Variants in PDCD10 observed in about 807,000 individuals in gnomAD.
PDCD10 encodes the protein programmed cell death protein 10.
In PDCD10, 4 loss-of-function variants were observed where a neutral mutation model predicts 29.2. The ratio of observed to expected loss-of-function variants is 0.14; its 90% CI spans 0.07 to 0.31. The LOEUF (loss-of-function observed/expected upper bound fraction) is 0.31, where lower values mean the gene tolerates loss of function less well. Ranked by LOEUF, PDCD10 falls within the 10% of genes least tolerant of loss-of-function variation. The pLI is 1.00. For synonymous variants in PDCD10, 70 were observed against 82.2 expected, an observed-to-expected ratio of 0.85 and a Z score of 0.80; for missense variants, 183 against 257.9, an observed-to-expected ratio of 0.71 and a Z score of 1.99.
intron 3 of PDCD10, among the ~76,000 whole-genome samples, chr3:167,708,969 T>C (rs1246634976): frequency 3.9e-5 from 6 of 152,264 alleles, no homozygotes; most frequent in East Asian, 3.9e-4. Flanking sequence ...CCCCATTTTA[T>C]AAATAAGGAA....
intron 6 of PDCD10, among the ~76,000 whole-genome samples, chr3:167,694,816 TCA>T (rs1041829401): frequency 6.6e-6 from 1 of 152,226 alleles, no homozygotes; most frequent in African/African-American, 2.4e-5. Flanking sequence ...ACCACATATG[TCA>T]CAGCCTCTTC....
intron 3 of PDCD10, among the ~76,000 whole-genome samples, chr3:167,711,592 G>C (rs551697996): frequency 6.6e-6 from 1 of 152,292 alleles, no homozygotes; most frequent in Non-Finnish European, 1.5e-5. Flanking sequence ...GATAAGGGTA[G>C]AAAGTGTATT....
chr3:167,687,500 A>G, intron 7 of PDCD10, 115 bp downstream of exon 7: 1 of 770,770 alleles, frequency 1.3e-6, no homozygotes, highest in Non-Finnish European at 2.3e-6. Context: ...AATAAACTCA[A>G]TGGTTAATGA....
intron 4 of PDCD10, among the ~76,000 whole-genome samples, chr3:167,702,881 T>C (rs1721587817): frequency 6.6e-6 from 1 of 151,040 alleles, no homozygotes; most frequent in African/African-American, 2.4e-5. Context: ...GTAAAATTAG[T>C]TACTTTGTTT....
At chr3:167,719,118 T>G (rs1020686858) in intron 3 of PDCD10, among the ~76,000 whole-genome samples, 2 of 152,046 alleles carry the variant, frequency 1.3e-5, no homozygotes, top group Non-Finnish European at 2.9e-5. Context: ...AAAAAAATGG[T>G]TTTGAAATGC....
chr3:167,707,198 C>A (rs918785882), intron 3 of PDCD10, among the ~76,000 whole-genome samples: 3 of 152,162 alleles, frequency 2.0e-5, no homozygotes, highest in African/African-American at 7.2e-5. Flanking sequence ...TGTGTTCCGG[C>A]CTCTTAAAAT....
intron 3 of PDCD10, among the ~76,000 whole-genome samples, chr3:167,714,209 C>G (rs1722788472): frequency 6.6e-6 from 1 of 151,970 alleles, no homozygotes; most frequent in Non-Finnish European, 1.5e-5. Flanking sequence ...GAGATTTATC[C>G]CAGGACGCAA....
chr3:167,688,538 T>C (rs759276262), intron 6 of PDCD10, among the ~76,000 whole-genome samples: 1 of 152,206 alleles, frequency 6.6e-6, no homozygotes, highest in Non-Finnish European at 1.5e-5. Flanking sequence ...CTGAACTTTT[T>C]TTTGCCTTTC....
intron 4 of PDCD10, among the ~76,000 whole-genome samples, chr3:167,699,728 G>A (rs760189214): frequency 2.0e-5 from 3 of 152,208 alleles, no homozygotes; most frequent in East Asian, 1.9e-4. Context: ...ACAACCTATC[G>A]GAACCTCTCA....
chr3:167,698,558 A>G (rs1213384670), intron 4 of PDCD10, among the ~76,000 whole-genome samples: 2 of 151,832 alleles, frequency 1.3e-5, no homozygotes, highest in Non-Finnish European at 2.9e-5. Flanking sequence ...AAACAAAAAA[A>G]ACTGTGTTTT....
chr3:167,686,197 C>G (rs934699172), intron 8 of PDCD10, among the ~76,000 whole-genome samples: 1 of 152,116 alleles, frequency 6.6e-6, no homozygotes, highest in Admixed American at 6.5e-5. Context: ...ACCTATACGG[C>G]CAGACTTTCC....
chr3:167,684,495 A>C, intron 8 of PDCD10, 106 bp from the exon 9 acceptor site: 1 of 684,024 alleles, frequency 1.5e-6, no homozygotes, highest in Non-Finnish European at 2.6e-6. Flanking sequence ...AAAAAAAAAA[A>C]AGACAAGTTA....
At position 167,701,056 on chromosome 3, in the gene PDCD10, G is replaced by A. The variant is rs1009832376; in HGVS notation, c.150+3786C>T. Among the ~76,000 whole-genome samples, 129 of 152,114 alleles carry A rather than the reference G, an allele frequency of 8.5e-4. 1 individual carries two copies. Among genetic ancestry groups the A allele is most frequent in the African/African-American group, 3.0e-3 (126 of 41,402 alleles). ...CAGGACTGTCCTTATTTATAATGCT[G>A]CTAAACCCTCAAGCCTTGAAGGGAG... On this transcript the variant is annotated intron_variant, in intron 4 of 8. Coordinates refer to ENST00000392750, the MANE Select transcript of PDCD10 (RefSeq NM_007217.4).
chr3:167,726,652 A>T (rs1289640803), intron 2 of PDCD10, among the ~76,000 whole-genome samples: 2 of 152,226 alleles, frequency 1.3e-5, no homozygotes, highest in African/African-American at 2.4e-5. Flanking sequence ...TAGTTACTAC[A>T]GTGGCTAACA....
intron 6 of PDCD10, 125 bp downstream of exon 6, chr3:167,695,470 TA>T: frequency 2.3e-6 from 2 of 857,806 alleles, no homozygotes; most frequent in East Asian, 5.0e-5. Flanking sequence ...ATGTGGTATT[TA>T]AAAATTTGAG....
intron 3 of PDCD10, among the ~76,000 whole-genome samples, chr3:167,714,906 T>A (rs1326605243): frequency 1.3e-5 from 2 of 151,798 alleles, no homozygotes; most frequent in African/African-American, 2.4e-5. Context: ...AAAACACCAA[T>A]GACATTCTTC....
intron 8 of PDCD10, 118 bp from the exon 9 acceptor site, chr3:167,684,507 T>C: frequency 1.5e-6 from 1 of 658,072 alleles, no homozygotes; most frequent in Non-Finnish European, 2.7e-6. Context: ...GACAAGTTAG[T>C]ATTATTAAAA....
chr3:167,719,221 T>A (rs1453121763), intron 3 of PDCD10, among the ~76,000 whole-genome samples: 1 of 152,112 alleles, frequency 6.6e-6, no homozygotes, highest in Non-Finnish European at 1.5e-5. Context: ...AACAATAAGG[T>A]TAATGGTACT....
intron 3 of PDCD10, among the ~76,000 whole-genome samples, chr3:167,707,249 G>T (rs1385776212): frequency 6.6e-6 from 1 of 152,154 alleles, no homozygotes; most frequent in Non-Finnish European, 1.5e-5. Flanking sequence ...GTTTCTTCAG[G>T]GTTGGTAACA....
Sources: allele counts gnomAD v4.1 joint callset (sites outside exome capture counted in the v4.1 genomes callset), GRCh38; gene constraint gnomAD v4.1.1; transcripts MANE v1.5; gene names NCBI Gene and HGNC (gene_info 2026-07-23, HGNC 2026-07-21).